Variants in SPOCK1 observed in about 807,000 individuals in gnomAD.
SPOCK1 encodes the protein testican-1.
A neutral mutation model predicts 55.3 loss-of-function variants in SPOCK1; 23 were observed. The observed-to-expected ratio is 0.42, with a 90% CI of 0.30 to 0.59. The LOEUF (loss-of-function observed/expected upper bound fraction) is 0.59, where lower values mean the gene tolerates loss of function less well. SPOCK1 is among the 20% of genes least tolerant of loss of function. The pLI is 0.22. For synonymous variants in SPOCK1, 226 were observed against 221.0 expected (o/e 1.02, Z -0.20); for missense variants, 499 against 552.5 (o/e 0.90, Z 0.97).
chr5:137,225,321 C>A (rs1178489448), intron 3 of SPOCK1, among the ~76,000 whole-genome samples: 1 of 152,096 alleles, frequency 6.6e-6, no homozygotes, highest in Non-Finnish European at 1.5e-5. Context: ...GTAAATGCAA[C>A]TACCTCATAG....
intron 2 of SPOCK1, among the ~76,000 whole-genome samples, chr5:137,286,028 G>A (rs1208987257): frequency 6.6e-6 from 1 of 152,128 alleles, no homozygotes; most frequent in African/African-American, 2.4e-5. Context: ...CCTGTAGGCT[G>A]AGTTTGTCCA....
intron 2 of SPOCK1, among the ~76,000 whole-genome samples, chr5:137,451,072 G>A (rs976855328): frequency 6.6e-6 from 1 of 151,972 alleles, no homozygotes; most frequent in South Asian, 2.1e-4. Flanking sequence ...GATAATCCCC[G>A]CACCTGGCCC....
intron 2 of SPOCK1, among the ~76,000 whole-genome samples, chr5:137,293,126 C>T (rs2905553): frequency 0.87 from 113,765 of 130,494 alleles, 49,021 homozygotes; most frequent in African/African-American, 0.93. Flanking sequence ...TTTTTTGATG[C>T]ACATTGTAGG....
intron 3 of SPOCK1, among the ~76,000 whole-genome samples, chr5:137,205,596 T>G (rs1755504573): frequency 6.6e-6 from 1 of 152,248 alleles, no homozygotes; most frequent in South Asian, 2.1e-4. Flanking sequence ...CAGCTGCTGC[T>G]GTGATTGCAG....
intron 2 of SPOCK1, among the ~76,000 whole-genome samples, chr5:137,488,626 A>C (rs1311782814): frequency 6.6e-6 from 1 of 152,128 alleles, no homozygotes; most frequent in African/African-American, 2.4e-5. Flanking sequence ...CTCCATTTGC[A>C]CGGCGGGACA....
At chr5:137,106,461 G>A (rs989988727) in intron 5 of SPOCK1, among the ~76,000 whole-genome samples, 3 of 152,126 alleles carry the variant, frequency 2.0e-5, no homozygotes, top group South Asian at 2.1e-4. Flanking sequence ...ACCACAAAGC[G>A]GCAGGCAGGA....
At chr5:137,482,844 A>G (rs1166694393) in intron 2 of SPOCK1, among the ~76,000 whole-genome samples, 2 of 152,194 alleles carry the variant, frequency 1.3e-5, no homozygotes, top group Non-Finnish European at 1.5e-5. Flanking sequence ...TTTATGCTGC[A>G]TTTTCCTACT....
chr5:137,016,168 G>A (rs552640276), intron 6 of SPOCK1, among the ~76,000 whole-genome samples: 101 of 152,204 alleles, frequency 6.6e-4, no homozygotes, highest in African/African-American at 2.3e-3. Context: ...ACAAACCCCC[G>A]CACGTTCCTA....
chr5:137,242,808 C>CA (rs879338920), intron 3 of SPOCK1, among the ~76,000 whole-genome samples: 15 of 151,560 alleles, frequency 9.9e-5, no homozygotes, highest in East Asian at 7.8e-4. Flanking sequence ...TGCACAAACA[C>CA]AAAAAAAAGA....
chr5:137,016,766 G>A (rs1307759274), intron 6 of SPOCK1, among the ~76,000 whole-genome samples: 1 of 152,216 alleles, frequency 6.6e-6, no homozygotes, highest in Non-Finnish European at 1.5e-5. Flanking sequence ...GGCTGTCTAG[G>A]ACCAAAACTA....
At chr5:137,060,819 GACTT>G (rs1427307828) in intron 6 of SPOCK1, among the ~76,000 whole-genome samples, 2 of 152,074 alleles carry the variant, frequency 1.3e-5, no homozygotes, top group African/African-American at 4.8e-5. Flanking sequence ...CTATCAAATA[GACTT>G]CAGAGGACCA....
At chr5:137,161,994 A>C (rs1754566298) in intron 3 of SPOCK1, among the ~76,000 whole-genome samples, 1 of 152,138 alleles carries the variant, frequency 6.6e-6, no homozygotes, top group African/African-American at 2.4e-5. Context: ...CCAGCAAAAT[A>C]TTTGGGCTAG....
At chr5:137,288,709 G>T (rs948000827) in intron 2 of SPOCK1, among the ~76,000 whole-genome samples, 1 of 152,148 alleles carries the variant, frequency 6.6e-6, no homozygotes, top group Admixed American at 6.5e-5. Flanking sequence ...TCTAAGCAAG[G>T]TTATTGAAGT....
intron 2 of SPOCK1, among the ~76,000 whole-genome samples, chr5:137,320,967 A>T (rs914681787): frequency 2.0e-5 from 3 of 152,246 alleles, no homozygotes; most frequent in Non-Finnish European, 4.4e-5. Context: ...CAAAATAGCC[A>T]CCATAAAGAT....
intron 2 of SPOCK1, among the ~76,000 whole-genome samples, chr5:137,439,615 G>A (rs1258666692): frequency 1.3e-5 from 2 of 152,116 alleles, no homozygotes; most frequent in Non-Finnish European, 2.9e-5. Context: ...TTAATAACTG[G>A]TACCTCACAG....
At chr5:137,453,775 A>G (rs571732354) in intron 2 of SPOCK1, among the ~76,000 whole-genome samples, 1 of 152,284 alleles carries the variant, frequency 6.6e-6, no homozygotes, top group African/African-American at 2.4e-5. Context: ...AGAGCGAGAC[A>G]TGATCAAGGT....
chr5:137,297,316 T>C (rs1419235839), intron 2 of SPOCK1, among the ~76,000 whole-genome samples: 2 of 152,224 alleles, frequency 1.3e-5, no homozygotes, highest in East Asian at 3.8e-4. Context: ...CTCCACAGCA[T>C]ATCATGATAC....
intron 2 of SPOCK1, among the ~76,000 whole-genome samples, chr5:137,374,040 T>C (rs1033301618): frequency 6.6e-6 from 1 of 152,272 alleles, no homozygotes; most frequent in Non-Finnish European, 1.5e-5. Context: ...GATCAACACA[T>C]GTAACTGTAC....
In SPOCK1 at chr5:137,080,534, C is replaced by T. The variant is rs182425750; in HGVS notation, c.475-12705G>A. Among the ~76,000 whole-genome samples, 298 of 152,226 alleles carry T rather than the reference C, an allele frequency of 2.0e-3. 2 individuals are homozygous for T. Among genetic ancestry groups the T allele is most frequent in the African/African-American group, 6.4e-3 (266 of 41,522 alleles). ...ACACTCAGAGTTACAGTGTCCCTCC[C>T]GGATGTCTCTATAGAACCCCTGCCA... On this transcript the variant is annotated intron_variant, in intron 5 of 10. Coordinates refer to ENST00000394945, the MANE Select transcript of SPOCK1 (RefSeq NM_004598.4).
Sources: allele counts gnomAD v4.1 joint callset (sites outside exome capture counted in the v4.1 genomes callset), GRCh38; gene constraint gnomAD v4.1.1; transcripts MANE v1.5; gene names NCBI Gene and HGNC (gene_info 2026-07-23, HGNC 2026-07-21).